EMCN: variants seen among roughly 807,000 people sequenced by gnomAD.
The protein encoded by EMCN is endomucin, also known as MUC-14.
EMCN carries 37 observed loss-of-function variants against 38.4 expected under a neutral mutation model. That is an observed-to-expected ratio of 0.96 (90% CI 0.74 to 1.27). The LOEUF (loss-of-function observed/expected upper bound fraction) is 1.27. Ranked by LOEUF, EMCN falls within the 50% of genes most tolerant of loss-of-function variation. The pLI, the probability that EMCN is intolerant of heterozygous loss-of-function variation, is 0.00. For missense variants in EMCN, 318 were observed against 302.8 expected (o/e 1.05, Z -0.37); for synonymous variants, 95 against 100.8 (o/e 0.94, Z 0.35).
chr4:100,448,184 G>T (rs929120147), intron 4 of EMCN, among the ~76,000 whole-genome samples: 1 of 152,078 alleles, frequency 6.6e-6, no homozygotes, highest in Admixed American at 6.6e-5. Context: ...AGAGCTTTCT[G>T]CAAGGAAAGT....
intron 1 of EMCN, among the ~76,000 whole-genome samples, chr4:100,516,669 G>C (rs1307308021): frequency 6.6e-6 from 1 of 152,102 alleles, no homozygotes; most frequent in Non-Finnish European, 1.5e-5. Flanking sequence ...AAATGTGCGT[G>C]AATTTGAAGT....
At chr4:100,477,969 A>G (rs116013538) in intron 2 of EMCN, among the ~76,000 whole-genome samples, 2,723 of 152,190 alleles carry the variant, frequency 0.018, 74 homozygotes, top group African/African-American at 0.062. Context: ...CTCCTTTATT[A>G]CTGTATACTA....
At chr4:100,505,885 G>A (rs1038097919) in intron 1 of EMCN, among the ~76,000 whole-genome samples, 17 of 152,074 alleles carry the variant, frequency 1.1e-4, no homozygotes, top group Admixed American at 5.2e-4. Context: ...TTTGGATTAT[G>A]TATTCTAATT....
intron 5 of EMCN, among the ~76,000 whole-genome samples, chr4:100,432,277 T>TC (rs1029117207): frequency 5.3e-5 from 8 of 152,098 alleles, no homozygotes; most frequent in African/African-American, 1.9e-4. Context: ...CCTTTTTTTT[T>TC]CACCCAATGG....
At chr4:100,461,035 G>T (rs1728164402) in intron 4 of EMCN, among the ~76,000 whole-genome samples, 1 of 152,110 alleles carries the variant, frequency 6.6e-6, no homozygotes, top group Admixed American at 6.6e-5. Flanking sequence ...GGCCTATGTA[G>T]CCCTGTCTGG....
At chr4:100,501,331 A>G (rs192260778) in intron 1 of EMCN, among the ~76,000 whole-genome samples, 1 of 152,232 alleles carries the variant, frequency 6.6e-6, no homozygotes, top group African/African-American at 2.4e-5. Flanking sequence ...CCGTTATACC[A>G]TCTTTGTTTT....
At chr4:100,430,580 A>T (rs576023306) in intron 5 of EMCN, among the ~76,000 whole-genome samples, 2 of 152,304 alleles carry the variant, frequency 1.3e-5, no homozygotes, top group African/African-American at 4.8e-5. Flanking sequence ...CCATTTAGCA[A>T]TACCAGGAAA....
intron 4 of EMCN, among the ~76,000 whole-genome samples, chr4:100,453,945 T>C (rs1230221058): frequency 1.4e-5 from 2 of 147,808 alleles, no homozygotes; most frequent in East Asian, 4.0e-4. Flanking sequence ...ACACCGCGTG[T>C]TCTCACTCAT....
At position 100,426,595 on chromosome 4, in the gene EMCN, C is replaced by T. The variant is rs1011795943; in HGVS notation, c.416-3191G>A. On this transcript the variant is annotated intron_variant, in intron 5 of 11. Coordinates refer to ENST00000296420, the MANE Select transcript of EMCN (RefSeq NM_016242.4). ...GAATCTTGAACTCTGCTTCTCTGAACATTCAGATTAAAGCAGTCTCCCTGG... is the reference window on the plus strand; with the variant it reads ...GAATCTTGAACTCTGCTTCTCTGAATATTCAGATTAAAGCAGTCTCCCTGG... Among the ~76,000 whole-genome samples the T allele has an allele frequency of 3.9e-5, 6 of 152,118 alleles. No homozygotes were observed. In the East Asian group the frequency reaches 9.6e-4, roughly 24 times the overall value.
chr4:100,472,609 A>T (rs1489538806), intron 3 of EMCN, among the ~76,000 whole-genome samples: 3 of 152,174 alleles, frequency 2.0e-5, no homozygotes, highest in Non-Finnish European at 4.4e-5. Flanking sequence ...TGACAAGTTG[A>T]TCTCAAAATT....
chr4:100,499,544 G>A (rs1382140828), intron 1 of EMCN, among the ~76,000 whole-genome samples: 1 of 152,194 alleles, frequency 6.6e-6, no homozygotes, highest in Non-Finnish European at 1.5e-5. Context: ...GTGAATTAAA[G>A]TCTTCAGAAG....
In EMCN at chr4:100,467,540, G is replaced by A. The variant is rs181942493; in HGVS notation, c.260-2001C>T. The stretch of plus-strand genomic sequence containing the variant: ...AAAAATACAAAAAAAAAATTAGCCG[G>A]GCGTGGTGGTGGGCGCCTGTAGTCC... On this transcript the variant is annotated intron_variant, in intron 3 of 11. Transcript: ENST00000296420. 1.9e-3 allele frequency among the ~76,000 whole-genome samples: 286 copies of A among 152,040 alleles called. 2 individuals carry two copies. The highest frequency in any genetic ancestry group is 0.01 in the Middle Eastern group (3 of 294).
chr4:100,490,911 G>T (rs1729060822), intron 1 of EMCN, among the ~76,000 whole-genome samples: 1 of 152,098 alleles, frequency 6.6e-6, no homozygotes, highest in South Asian at 2.1e-4. Flanking sequence ...TTTCCCTAAA[G>T]ATTAACGACA....
At chr4:100,502,801 G>A (rs1385747275) in intron 1 of EMCN, among the ~76,000 whole-genome samples, 1 of 152,048 alleles carries the variant, frequency 6.6e-6, no homozygotes, top group Non-Finnish European at 1.5e-5. Flanking sequence ...AATATTAAAT[G>A]TGCAGAAGTG....
chr4:100,462,278 T>G (rs1337114990), intron 4 of EMCN, among the ~76,000 whole-genome samples: 1 of 152,208 alleles, frequency 6.6e-6, no homozygotes, highest in Non-Finnish European at 1.5e-5. Flanking sequence ...ATGTATTTTT[T>G]AAACTACTTG....
chr4:100,454,669 C>T (rs887652213), intron 4 of EMCN, among the ~76,000 whole-genome samples: 16 of 152,048 alleles, frequency 1.1e-4, no homozygotes, highest in African/African-American at 3.6e-4. Context: ...TCTTTTTCTG[C>T]GGAATGTGTT....
At chr4:100,404,426 T>A (rs1338327921) in intron 11 of EMCN, among the ~76,000 whole-genome samples, 7 of 152,156 alleles carry the variant, frequency 4.6e-5, no homozygotes, top group Admixed American at 4.6e-4. Context: ...TCTGTTTTTG[T>A]ACCAGTATCA....
At chr4:100,510,514 G>A (rs1179937610) in intron 1 of EMCN, among the ~76,000 whole-genome samples, 2 of 152,050 alleles carry the variant, frequency 1.3e-5, no homozygotes, top group Non-Finnish European at 2.9e-5. Context: ...TTCATCTACG[G>A]TGCAGGATAT....
At chr4:100,460,413 C>A (rs142612236) in intron 4 of EMCN, among the ~76,000 whole-genome samples, 167 of 152,048 alleles carry the variant, frequency 1.1e-3, no homozygotes, top group African/African-American at 4.0e-3. Flanking sequence ...AAAGACATAC[C>A]TGAGACTGGG....
Sources: allele counts gnomAD v4.1 joint callset (sites outside exome capture counted in the v4.1 genomes callset), GRCh38; gene constraint gnomAD v4.1.1; transcripts MANE v1.5; gene names NCBI Gene and HGNC (gene_info 2026-07-23, HGNC 2026-07-21).